NIPBL: variants seen among roughly 807,000 people sequenced by gnomAD.
The protein encoded by NIPBL is nipped-B-like protein.
A neutral mutation model predicts 321.8 loss-of-function variants in NIPBL; 19 were observed. That is an observed-to-expected ratio of 0.06 (90% confidence interval 0.04 to 0.09). The LOEUF (loss-of-function observed/expected upper bound fraction) is 0.09, where lower values mean the gene tolerates loss of function less well. Ranked by LOEUF, NIPBL falls within the 10% of genes least tolerant of loss-of-function variation. NIPBL has a pLI of 1.00. For missense variants in NIPBL, 2,210 were observed against 3,327.0 expected, an observed-to-expected ratio of 0.66 and a Z score of 8.26; for synonymous variants, 1,106 against 1,114.1, an observed-to-expected ratio of 0.99 and a Z score of 0.14.
chr5:36,890,200 A>C (rs990470238), intron 1 of NIPBL, among the ~76,000 whole-genome samples: 3 of 152,032 alleles, frequency 2.0e-5, no homozygotes, highest in African/African-American at 4.8e-5. Flanking sequence ...TTTTGCTTTT[A>C]CTTTTTTTCT....
intron 1 of NIPBL, among the ~76,000 whole-genome samples, chr5:36,941,048 T>C (rs1388283061): frequency 6.6e-6 from 1 of 152,140 alleles, no homozygotes; most frequent in Non-Finnish European, 1.5e-5. Flanking sequence ...AGGTATTAAG[T>C]GCATGATAGT....
At position 37,010,102 on chromosome 5, in the gene NIPBL, T is replaced by G; in HGVS notation, c.4437T>G (p.Asp1479Glu). The change falls in exon 21 of 47, where the codon GAT (aspartate) becomes GAG (glutamate). Residue 1479 changes from aspartate (D) to glutamate (E), a missense_variant. Transcript: ENST00000282516. ...TTCATTAAAGGTTAAACAGTAGTGATATGGATGGAGAACCTATGTATATTC... is the reference window on the plus strand; with the variant it reads ...TTCATTAAAGGTTAAACAGTAGTGAGATGGATGGAGAACCTATGTATATTC... ...SLRNFRLNSS[D>E]MDGEPMYIQM... 6.2e-7 allele frequency: 1 copy of G among 1,611,730 alleles called. No homozygotes were observed. Among genetic ancestry groups the G allele is most frequent in the Non-Finnish European group, 8.5e-7 (1 of 1,178,002 alleles).
At chr5:37,024,810 A>G in intron 30 of NIPBL, 91 bp downstream of exon 30, 1 of 985,828 alleles carries the variant, frequency 1.0e-6, no homozygotes, top group Non-Finnish European at 1.5e-6. Flanking sequence ...AAATATATCC[A>G]AACACTTTAC....
intron 11 of NIPBL, among the ~76,000 whole-genome samples, chr5:36,999,382 A>G (rs1746524175): frequency 6.6e-6 from 1 of 152,228 alleles, no homozygotes; most frequent in Non-Finnish European, 1.5e-5. Context: ...GGTAGGACAC[A>G]TCACTTCTCT....
chr5:36,878,798 G>A (rs1290504040), intron 1 of NIPBL, among the ~76,000 whole-genome samples: 1 of 152,216 alleles, frequency 6.6e-6, no homozygotes, highest in African/African-American at 2.4e-5. Context: ...GTAGTAGTCA[G>A]TAGCGTGTCC....
chr5:36,878,149 A>G (rs1010766031), intron 1 of NIPBL, among the ~76,000 whole-genome samples: 4 of 152,252 alleles, frequency 2.6e-5, no homozygotes, highest in African/African-American at 9.6e-5. Context: ...CAAAAAAGAA[A>G]TTAAGTTATA....
intron 1 of NIPBL, among the ~76,000 whole-genome samples, chr5:36,947,178 T>C (rs1739781856): frequency 6.6e-6 from 1 of 152,108 alleles, no homozygotes; most frequent in Non-Finnish European, 1.5e-5. Context: ...CTATCTGATC[T>C]ATTATAATGT....
chr5:37,024,811 A>G, intron 30 of NIPBL, 92 bp downstream of exon 30: 2 of 954,158 alleles, frequency 2.1e-6, no homozygotes, highest in Non-Finnish European at 3.2e-6. Flanking sequence ...AATATATCCA[A>G]ACACTTTACA....
chr5:37,004,908 G>A (rs1747245085), intron 16 of NIPBL, among the ~76,000 whole-genome samples: 1 of 152,042 alleles, frequency 6.6e-6, no homozygotes, highest in Admixed American at 6.6e-5. Flanking sequence ...TTTATCTTAT[G>A]AGGGAAATGC....
At position 37,034,710 on chromosome 5, in the gene NIPBL, G is replaced by A. The variant is rs2149715714; in HGVS notation, c.5863-1669G>A. Among the ~76,000 whole-genome samples, 3 of 152,266 alleles carry A rather than the reference G, an allele frequency of 2.0e-5. No individual in the cohort carries two copies. In the South Asian group the frequency reaches 6.2e-4, roughly 32 times the overall value. Reference sequence around the variant, plus strand: ...CTTATACTTTTTTTAAAAACAAGGAGATGGTAAATTTCTGATAGTGGTTAT... The same window carrying A: ...CTTATACTTTTTTTAAAAACAAGGAAATGGTAAATTTCTGATAGTGGTTAT... On this transcript the variant is annotated intron_variant, in intron 32 of 46. Transcript: ENST00000282516.
In NIPBL at chr5:37,046,187, A is replaced by G. The variant is rs1368217611; in HGVS notation, c.6577A>G (p.Ile2193Val). ...HSDEEVQTKA[I>V]IGLGFAFIQH... The stretch of plus-strand genomic sequence containing the variant: ...AGATGAAGAAGTACAAACAAAAGCT[A>G]TCATTGGTCTAGGTAAGTCTAAATT... Residue 2193 changes from isoleucine (I) to valine (V), a missense_variant, in exon 38 of 47, where the codon ATC becomes GTC. Ile to Val is a conservative substitution (Grantham distance 29, BLOSUM62 3). Around this residue, in one of 14 missense-constraint regions of NIPBL, gnomAD observed 40 missense variants for 55.3 expected, o/e 0.72. Coordinates refer to ENST00000282516, the MANE Select transcript of NIPBL (RefSeq NM_133433.4). 7 of 1,555,912 alleles carry G rather than the reference A, an allele frequency of 4.5e-6. No individual in the cohort carries two copies. Among genetic ancestry groups the G allele is most frequent in the African/African-American group, 1.4e-5 (1 of 73,876 alleles).
intron 1 of NIPBL, among the ~76,000 whole-genome samples, chr5:36,945,714 A>C (rs1021513508): frequency 6.6e-6 from 1 of 152,202 alleles, no homozygotes; most frequent in Non-Finnish European, 1.5e-5. Flanking sequence ...AAATGTTTTA[A>C]AGAAAGTGAG....
chr5:36,934,025 A>C (rs1412123869), intron 1 of NIPBL, among the ~76,000 whole-genome samples: 1 of 152,124 alleles, frequency 6.6e-6, no homozygotes, highest in Non-Finnish European at 1.5e-5. Context: ...TTAACATGTA[A>C]AGATCATGGT....
intron 1 of NIPBL, among the ~76,000 whole-genome samples, chr5:36,916,710 C>T (rs895971924): frequency 2.0e-5 from 3 of 151,258 alleles, no homozygotes; most frequent in African/African-American, 7.3e-5. Flanking sequence ...TCCAAGGGTT[C>T]CCATTGTTCA....
chr5:36,969,584 T>C (rs1399512768), intron 6 of NIPBL, among the ~76,000 whole-genome samples: 1 of 152,186 alleles, frequency 6.6e-6, no homozygotes, highest in Admixed American at 6.5e-5. Flanking sequence ...TATCTCACAC[T>C]TAAAAATAAG....
chr5:37,026,918 A>G (rs1220682616), intron 31 of NIPBL, among the ~76,000 whole-genome samples: 2 of 151,890 alleles, frequency 1.3e-5, no homozygotes, highest in Non-Finnish European at 2.9e-5. Flanking sequence ...CTTCTCAAAA[A>G]AAAAAAAAGA....
intron 31 of NIPBL, among the ~76,000 whole-genome samples, chr5:37,026,911 C>A (rs751943472): frequency 2.7e-5 from 4 of 147,588 alleles, no homozygotes; most frequent in Non-Finnish European, 4.5e-5. Flanking sequence ...AAGATCCCTT[C>A]TCAAAAAAAA....
chr5:36,959,839 C>CTAG (rs1741407004), intron 4 of NIPBL, among the ~76,000 whole-genome samples: 1 of 151,784 alleles, frequency 6.6e-6, no homozygotes, highest in Non-Finnish European at 1.5e-5. Context: ...TTTCTGTATA[C>CTAG]CCTACTTTGT....
At chr5:36,964,064 C>G (rs1741931840) in intron 6 of NIPBL, among the ~76,000 whole-genome samples, 1 of 151,948 alleles carries the variant, frequency 6.6e-6, no homozygotes, top group Non-Finnish European at 1.5e-5. Context: ...AGTTTGAGGA[C>G]CTATTCAGTA....
Sources: allele counts gnomAD v4.1 joint callset (sites outside exome capture counted in the v4.1 genomes callset), GRCh38; gene constraint gnomAD v4.1.1; regional missense constraint gnomAD v4.1.1; transcripts MANE v1.5; gene names NCBI Gene and HGNC (gene_info 2026-07-23, HGNC 2026-07-21).